The following HERC2 variants were observed in gnomAD, a reference collection of about 807,000 sequenced individuals.
The protein encoded by HERC2 is HECT and RLD domain containing E3 ubiquitin protein ligase 2.
A neutral mutation model predicts 537.7 loss-of-function variants in HERC2; 102 were observed. That is an observed-to-expected ratio of 0.19 (90% CI 0.16 to 0.22). The LOEUF is 0.22. Among genes scored for constraint, HERC2 ranks in the 10% least tolerant of loss-of-function variants. The probability of loss-of-function intolerance (pLI) is 1.00; values close to 1 mark genes in which losing one functional copy is unlikely to be tolerated. For missense variants in HERC2, 4,236 were observed against 6,198.2 expected (o/e 0.68, Z 10.63); for synonymous variants, 2,224 against 2,466.2 (o/e 0.90, Z 2.91).
chr15:28,176,394 C>T lies in HERC2; in HGVS notation c.9686+34G>A, dbSNP rs1324333540. The stretch of plus-strand genomic sequence containing the variant: ...GGTTCCCTGCACACACCTGCACAAG[C>T]ACACACAGTGTGACAGGGAGGACGT... On this transcript the variant is annotated intron_variant, in intron 63 of 92. Coordinates refer to ENST00000261609, the MANE Select transcript of HERC2 (RefSeq NM_004667.6). The surrounding 1 kb of genome is among the most constrained non-coding windows in gnomAD (Gnocchi z 5.0). 1.9e-6 allele frequency: 3 copies of T among 1,609,362 alleles called. No individual in the cohort carries two copies. The African/African-American group carries it at 4.0e-5, about 21-fold the overall frequency.
chr15:28,130,936 T>C (rs551452372), intron 81 of HERC2, among the ~76,000 whole-genome samples: 1 of 152,164 alleles, frequency 6.6e-6, no homozygotes, highest in South Asian at 2.1e-4. Flanking sequence ...CAGCAATCCC[T>C]GTGTCTCTCC....
intron 70 of HERC2, among the ~76,000 whole-genome samples, chr15:28,151,273 A>T (rs868209311): frequency 2.0e-4 from 30 of 152,174 alleles, no homozygotes; most frequent in African/African-American, 7.2e-4. Context: ...GTAACAGAAG[A>T]AGTACAGACC....
At position 28,113,717 on chromosome 15, in the gene HERC2, G is replaced by T. The variant is rs775215173; in HGVS notation, c.13914-39C>A. The T allele has an allele frequency of 2.0e-6, 3 of 1,529,670 alleles. No homozygotes were observed. In the Admixed American group the frequency reaches 5.1e-5, roughly 26 times the overall value. The allele number at this position is 1,529,670 out of a possible 1,614,324, so 94.8% of individuals were successfully genotyped here. ...CTCACTTTACACTTCTGTCTTCAGT[G>T]ACACTGACTTTATGCTGCTCACACC... is the stretch of plus-strand genomic sequence containing the variant. On this transcript the variant is annotated intron_variant, in intron 90 of 92. Transcript: ENST00000261609. The surrounding 1 kb of genome is among the most constrained non-coding windows in gnomAD (Gnocchi z 7.0).
chr15:28,287,813 T>A (rs1272477833), intron 4 of HERC2, among the ~76,000 whole-genome samples: 2 of 146,498 alleles, frequency 1.4e-5, no homozygotes, highest in African/African-American at 5.1e-5. Flanking sequence ...AAGCTCCGCC[T>A]CCTGGGTTCA....
At chr15:28,141,296 T>G in intron 78 of HERC2, 136 bp downstream of exon 78, 1 of 644,026 alleles carries the variant, frequency 1.6e-6, no homozygotes, top group Non-Finnish European at 2.7e-6. Flanking sequence ...TCTAGCTGCT[T>G]CCTGCATACC....
chr15:28,151,303 T>C (rs1892424771), intron 70 of HERC2, among the ~76,000 whole-genome samples: 1 of 152,034 alleles, frequency 6.6e-6, no homozygotes, highest in Non-Finnish European at 1.5e-5. Context: ...TGAATTTGAG[T>C]AGAAGGAATC....
At chr15:28,306,922 C>A (rs1218617429) in intron 2 of HERC2, among the ~76,000 whole-genome samples, 4 of 152,228 alleles carry the variant, frequency 2.6e-5, no homozygotes, top group African/African-American at 9.6e-5. Flanking sequence ...GCAACCTCCA[C>A]CTCCCAGGCT....
Position 28,191,263 on chromosome 15 carries a change from A to G in HERC2, c.8452-19T>C. The G allele has an allele frequency of 4.5e-6, 7 of 1,547,460 alleles. No individual in the cohort carries two copies. The highest frequency in any genetic ancestry group is 1.8e-6 in the Non-Finnish European group (2 of 1,126,236). On this transcript the variant is annotated intron_variant, in intron 53 of 92. Transcript: ENST00000261609. ...TCCAGTGCTTTAGAAAAACAAAAAA[A>G]CCACATTCTCAGTTAGCAAAATTCA...
At chr15:28,170,980 T>C (rs1207877638) in intron 65 of HERC2, among the ~76,000 whole-genome samples, 2 of 152,178 alleles carry the variant, frequency 1.3e-5, no homozygotes, top group African/African-American at 2.4e-5. Context: ...TTTAAAAAGA[T>C]GGTGAGGATA....
chr15:28,218,844 TTTTTCCTTTGA>T (rs1394956349), intron 37 of HERC2, among the ~76,000 whole-genome samples, 173 bp from the exon 38 acceptor site: 4 of 152,164 alleles, frequency 2.6e-5, no homozygotes, highest in Non-Finnish European at 5.9e-5. Flanking sequence ...TTTGTGTTCT[TTTTTCCTTTGA>T]GACAGGCTCT....
chr15:28,168,438 A>C lies in HERC2; in HGVS notation c.10382T>G (p.Leu3461Arg). The change falls in exon 67 of 93, where the codon CTG becomes CGG. Residue 3461 changes from leucine to arginine, a missense_variant. Physicochemically the swap from Leu to Arg is moderately radical, Grantham distance 102 (BLOSUM62 -2). Transcript: ENST00000261609. Reference protein sequence around the residue: ...CMLAVDIEDRLSPNPWQEKRE... With the variant: ...CMLAVDIEDRRSPNPWQEKRE... ...CTTTTCTTGCCATGGATTTGGACTC[A>C]GTCTGTCTTCGATATCAACAGCCAG... 1.2e-6 allele frequency: 2 copies of C among 1,614,112 alleles called. No individual in the cohort carries two copies. Among genetic ancestry groups the C allele is most frequent in the Admixed American group, 1.7e-5 (1 of 60,014 alleles).
Position 28,176,673 on chromosome 15 carries a change from TGCCA to T in HERC2, c.9514+10_9514+13del. 6.2e-7 allele frequency: 1 copy of T among 1,614,020 alleles called. No homozygotes were observed. Among genetic ancestry groups the T allele is most frequent in the East Asian group, 2.2e-5 (1 of 44,880 alleles). ...CTACCCACCCAGAAGCACAGAATCCTGCCAGCCACTCACCTTCATCGGTCAGAGC... is the reference window on the plus strand; with the variant it reads ...CTACCCACCCAGAAGCACAGAATCCTGCCACTCACCTTCATCGGTCAGAGC... On this transcript the variant is annotated intron_variant, in intron 62 of 92. Transcript: ENST00000261609. This position sits in a 1 kb window ranked among gnomAD's most constrained non-coding sequence, Gnocchi z 5.0.
At chr15:28,320,152 T>G (rs141044048) in intron 2 of HERC2, 1 of 152,172 alleles carries the variant, frequency 6.6e-6, no homozygotes, top group African/African-American at 2.4e-5. Context: ...TTTGCTCTCA[T>G]TGTCCAGGCT....
At chr15:28,266,776 A>T (rs985931706) in intron 12 of HERC2, among the ~76,000 whole-genome samples, 1 of 152,194 alleles carries the variant, frequency 6.6e-6, no homozygotes, top group Non-Finnish European at 1.5e-5. Flanking sequence ...GGAAGGGGGC[A>T]TCAACTCAAA....
At chr15:28,116,100 C>T (rs897191065) in intron 88 of HERC2, among the ~76,000 whole-genome samples, 4 of 152,186 alleles carry the variant, frequency 2.6e-5, no homozygotes, top group African/African-American at 9.7e-5. Context: ...CAGCTGTGCA[C>T]AGAGCTTCCG....
rs745329400 is a variant in HERC2 at position 28,135,637 on chromosome 15, G to A, written c.12071C>T (p.Ser4024Leu). The part of the protein sequence containing the change: ...GGRLGIGGTE[S>L]VSTPTLLESI... The stretch of plus-strand genomic sequence containing the variant: ...TTCAAGCAATGTTGGGGTGGACACC[G>A]ACTCTGTCCCTCCAATGCCTAGTCT... The change falls in exon 79 of 93, where the codon TCG becomes TTG. Residue 4024 changes from serine (S) to leucine (L), a missense_variant. Transcript: ENST00000261609. 3 of 1,614,046 alleles carry A rather than the reference G, an allele frequency of 1.9e-6. No homozygotes were observed. The highest frequency in any genetic ancestry group is 1.1e-5 in the South Asian group (1 of 91,076).
Position 28,248,513 on chromosome 15 carries a change from G to A in HERC2, c.3235+39C>T, listed in dbSNP as rs561256735. 22 of 1,519,876 alleles carry A rather than the reference G, an allele frequency of 1.4e-5. 1 individual carries two copies. The Admixed American group carries it at 1.5e-4, about 10-fold the overall frequency. The allele number at this position is 1,519,876 out of a possible 1,614,324, so 94.1% of individuals were successfully genotyped here. On this transcript the variant is annotated intron_variant, in intron 21 of 92. Transcript: ENST00000261609. ...CGAAAAGCCTAAAGTAACGAGCCCC[G>A]ATCACATACAAGACACTTTCACATT... is the stretch of plus-strand genomic sequence containing the variant.
At chr15:28,274,871 G>A (rs747436130) in intron 6 of HERC2, 34 bp downstream of exon 6, 42 of 1,522,296 alleles carry the variant, frequency 2.8e-5, no homozygotes, top group Non-Finnish European at 3.6e-5. Flanking sequence ...ATGTATTAGG[G>A]AAGCAGAACA....
intron 86 of HERC2, chr15:28,117,477 A>G (rs1188232625): frequency 1.6e-6 from 1 of 630,188 alleles, no homozygotes; most frequent in Non-Finnish European, 2.9e-6. Context: ...CGGCAGCACC[A>G]CCCTGGCACG....
Sources: gnomAD v4.1 joint callset for allele counts (sites outside exome capture counted in the v4.1 genomes callset) on GRCh38, gnomAD v4.1.1 for gene constraint, Gnocchi (gnomAD v3.1) non-coding constraint, MANE v1.5 for transcripts, NCBI Gene and HGNC (gene_info 2026-07-23, HGNC 2026-07-21) for gene names.